Variants in COMMD2 observed in about 807,000 individuals in gnomAD.
COMMD2 encodes the protein COMM domain containing 2, also known as COMM domain-containing protein 2.
COMMD2 carries 25 observed loss-of-function variants against 22.5 expected under a neutral mutation model. That is an observed-to-expected ratio of 1.11 (90% CI 0.81 to 1.55). The LOEUF is 1.55. Ranked by LOEUF, COMMD2 falls within the 40% of genes most tolerant of loss-of-function variation. The probability of loss-of-function intolerance (pLI) is 0.00; values close to 1 mark genes in which losing one functional copy is unlikely to be tolerated. For synonymous variants in COMMD2, 98 were observed against 91.2 expected (o/e 1.07, Z -0.42); for missense variants, 223 against 232.9 (o/e 0.96, Z 0.28).
At chr3:149,750,898 G>T (rs200102094) in intron 3 of COMMD2, 47 bp from the exon 4 acceptor site, 3 of 1,251,388 alleles carry the variant, frequency 2.4e-6, no homozygotes, top group Non-Finnish European at 3.3e-6. Context: ...TCTTTGTCTA[G>T]CTAAAATAAT....
In COMMD2 at chr3:149,741,550, A is replaced by G; in HGVS notation, c.571T>C (p.Cys191Arg). The change falls in exon 5 of 5, where the codon TGT (cysteine) becomes CGT (arginine). Residue 191 changes from cysteine (C) to arginine (R), a missense_variant. Coordinates refer to ENST00000473414, the MANE Select transcript of COMMD2 (RefSeq NM_016094.4). ...TTGATGTTGCGAACAACTCTCCTACAGTGATTTGTCTTCATCTCTTCCAAT... is the reference window on the plus strand; with the variant it reads ...TTGATGTTGCGAACAACTCTCCTACGGTGATTTGTCTTCATCTCTTCCAAT... The part of the protein sequence containing the change: ...QALEEMKTNH[C>R]RRVVRNIK 1 of 1,614,108 alleles carries G rather than the reference A, an allele frequency of 6.2e-7. No individual in the cohort carries two copies. The highest frequency in any genetic ancestry group is 8.5e-7 in the Non-Finnish European group (1 of 1,179,958).
In COMMD2 at chr3:149,750,699, A is replaced by G; in HGVS notation, c.381T>C (p.Leu127=). 6.3e-7 allele frequency: 1 copy of G among 1,580,584 alleles called. No homozygotes were observed. ...LAPSLPSYHN[L]EWRLDVQLAS... ...ATACCTGTACATCTAGTCGCCATTC[A>G]AGGTTATGATAACTGGGAAGGCTTG... The change falls in exon 4 of 5, where the codon CTT becomes CTC. Residue 127 remains leucine, a synonymous_variant. Coordinates refer to ENST00000473414, the MANE Select transcript of COMMD2 (RefSeq NM_016094.4).
At position 149,752,417 on chromosome 3, in the gene COMMD2, T is replaced by C. The variant is rs1250312635; in HGVS notation, c.28A>G (p.Lys10Glu). 9 of 1,613,962 alleles carry C rather than the reference T, an allele frequency of 5.6e-6. No individual in the cohort carries two copies. The highest frequency in any genetic ancestry group is 1.7e-5 in the Admixed American group (1 of 59,988). MLLELSEEH[K>E]EHLAFLPQVD... is the part of the protein sequence containing the mutation. ...TGAGGCAGGAAGGCCAGGTGTTCCT[T>C]ATGCTCCTCGGACAATTCCAGCAGC... is the stretch of plus-strand genomic sequence containing the variant. The change falls in exon 1 of 5, where the codon AAG (lysine) becomes GAG (glutamate). Residue 10 changes from lysine (K) to glutamate (E), a missense_variant. Physicochemically the swap from Lys to Glu is moderately conservative, Grantham distance 56 (BLOSUM62 1). Transcript: ENST00000473414.
chr3:149,744,018 G>GT (rs1420820984), intron 4 of COMMD2, among the ~76,000 whole-genome samples: 1 of 152,086 alleles, frequency 6.6e-6, no homozygotes, highest in East Asian at 1.9e-4. Flanking sequence ...CAAACATCTA[G>GT]TAAGACATTT....
At chr3:149,742,916 A>T (rs1013066309) in intron 4 of COMMD2, among the ~76,000 whole-genome samples, 12 of 151,840 alleles carry the variant, frequency 7.9e-5, no homozygotes, top group Non-Finnish European at 1.3e-4. Flanking sequence ...TGGTGAGCCA[A>T]GATCGTGCCA....
Position 149,741,732 on chromosome 3 carries a change from G to T in COMMD2, c.403-14C>A. The T allele has an allele frequency of 6.3e-7, 1 of 1,588,552 alleles. No homozygotes were observed. The highest frequency in any genetic ancestry group is 8.6e-7 in the Non-Finnish European group (1 of 1,157,010). ...TCTACTTGCAAGCTTGATTTTAAATGAAATAAGAGCACAGTAACTATTTAA... is the reference window on the plus strand; with the variant it reads ...TCTACTTGCAAGCTTGATTTTAAATTAAATAAGAGCACAGTAACTATTTAA... On this transcript the variant is annotated splice_polypyrimidine_tract_variant and intron_variant, in intron 4 of 4. Transcript: ENST00000473414.
chr3:149,748,523 A>G lies in COMMD2; in HGVS notation c.402+2155T>C, dbSNP rs766602974. Among the ~76,000 whole-genome samples, 5 of 152,264 alleles carry G rather than the reference A, an allele frequency of 3.3e-5. 1 individual carries two copies. Among genetic ancestry groups the G allele is most frequent in the Admixed American group, 6.5e-5 (1 of 15,286 alleles). ...AGGAAGCACAGGTGCCACGAAAAGA[A>G]AACACAAATGCCACCAAAATTTAAC... On this transcript the variant is annotated intron_variant, in intron 4 of 4. Transcript: ENST00000473414.
Position 149,741,193 on chromosome 3 carries a change from AG to A in COMMD2, c.*327del, listed in dbSNP as rs1201073527. ...ATTCTCCTGCCTCAGCCTCCTGAGT[AG>A]CTGGGACTCTGATAGATGCGTGCCA... On this transcript the variant is annotated 3_prime_UTR_variant, in exon 5 of 5. Coordinates refer to ENST00000473414, the MANE Select transcript of COMMD2 (RefSeq NM_016094.4). The A allele has an allele frequency of 3.6e-5, 8 of 219,544 alleles. No homozygotes were observed. The Admixed American group carries it at 4.1e-4, about 11-fold the overall frequency. The allele number at this position is 219,544 out of a possible 1,614,324, so 13.6% of individuals were successfully genotyped here.
At chr3:149,751,079 CCTT>C (rs1361421218) in intron 3 of COMMD2, among the ~76,000 whole-genome samples, 1 of 152,150 alleles carries the variant, frequency 6.6e-6, no homozygotes, top group Non-Finnish European at 1.5e-5. Flanking sequence ...CCCTTCCTGT[CCTT>C]CATCAAGCCA....
intron 4 of COMMD2, among the ~76,000 whole-genome samples, chr3:149,742,337 G>A (rs767959131): frequency 6.6e-6 from 1 of 152,140 alleles, no homozygotes. Flanking sequence ...ACCCACTCCT[G>A]GTAAGCGATG....
At chr3:149,752,169 C>G (rs199947632) in intron 2 of COMMD2, 41 bp downstream of exon 2, 42 of 1,552,362 alleles carry the variant, frequency 2.7e-5, no homozygotes, top group Non-Finnish European at 3.4e-5. Flanking sequence ...GGCTCGCAAC[C>G]GCCCTAGAAG....
rs144011057 is a variant in COMMD2 at position 149,751,905 on chromosome 3, T to C, written c.145+305A>G. 2.6e-3 allele frequency: 880 copies of C among 339,496 alleles called. 6 individuals carry two copies. Among genetic ancestry groups the C allele is most frequent in the African/African-American group, 0.018 (833 of 47,402 alleles). The allele number at this position is 339,496 out of a possible 1,614,324, so 21.0% of individuals were successfully genotyped here. A position where few individuals can be genotyped will look rare whatever the true frequency, so the allele number is the denominator to read the frequency against. On this transcript the variant is annotated intron_variant, in intron 2 of 4. Coordinates refer to ENST00000473414, the MANE Select transcript of COMMD2 (RefSeq NM_016094.4). ...ATAACCAAATACTTGCAATTTACAG[T>C]TGACCCAGCTATTCCACAGACTTTG...
At chr3:149,750,898 G>C in intron 3 of COMMD2, 47 bp from the exon 4 acceptor site, 1 of 1,251,508 alleles carries the variant, frequency 8.0e-7, no homozygotes, top group Non-Finnish European at 1.1e-6. Flanking sequence ...TCTTTGTCTA[G>C]CTAAAATAAT....
intron 4 of COMMD2, among the ~76,000 whole-genome samples, chr3:149,743,025 T>C (rs934762763): frequency 2.0e-5 from 3 of 150,904 alleles, no homozygotes; most frequent in Non-Finnish European, 4.4e-5. Flanking sequence ...AAATTCAGGA[T>C]AACGGTTTCC....
chr3:149,751,340 T>C, intron 3 of COMMD2, 63 bp downstream of exon 3: 1 of 1,611,628 alleles, frequency 6.2e-7, no homozygotes, highest in South Asian at 1.1e-5. Context: ...GACTATGATG[T>C]AGAGTACACC....
rs987111208 is a variant in COMMD2 at position 149,739,759 on chromosome 3, G to T, written c.*1762C>A. The T allele has an allele frequency of 1.3e-5, 2 of 152,170 alleles. No homozygotes were observed. 9.4% of individuals were successfully genotyped at this position (152,170 alleles called of 1,614,324 possible). A position where few individuals can be genotyped will look rare whatever the true frequency, so the allele number is the denominator to read the frequency against. Reference sequence around the variant, plus strand: ...AAAGTTTCTTTTTGTTTGTGAGGTTGTATATGAGAGCTTCATTAATCAAGT... The same window carrying T: ...AAAGTTTCTTTTTGTTTGTGAGGTTTTATATGAGAGCTTCATTAATCAAGT... On this transcript the variant is annotated 3_prime_UTR_variant, in exon 5 of 5. Transcript: ENST00000473414.
At chr3:149,741,847 G>A in intron 4 of COMMD2, 129 bp from the exon 5 acceptor site, 1 of 702,182 alleles carries the variant, frequency 1.4e-6, no homozygotes, top group Non-Finnish European at 2.4e-6. Flanking sequence ...AAAATGAAAA[G>A]TAAACTTTAA....
chr3:149,742,215 C>T (rs1337471456), intron 4 of COMMD2, among the ~76,000 whole-genome samples: 2 of 152,086 alleles, frequency 1.3e-5, no homozygotes, highest in African/African-American at 2.4e-5. Context: ...TATTAAACAT[C>T]AGGATAATAG....
In COMMD2 at chr3:149,741,644, A is replaced by G. The variant is rs1231724325; in HGVS notation, c.477T>C (p.Asp159=). Residue 159 remains aspartate, a synonymous_variant, in exon 5 of 5, where the codon GAT becomes GAC. Transcript: ENST00000473414. ...CTGTCTGCAGAACTTTGGTGTTGTGATCTCCATTTTGATTAAGGTGTAGCT... is the reference window on the plus strand; with the variant it reads ...CTGTCTGCAGAACTTTGGTGTTGTGGTCTCCATTTTGATTAAGGTGTAGCT... ...TIKLHLNQNG[D]HNTKVLQTDP... 3 of 1,613,776 alleles carry G rather than the reference A, an allele frequency of 1.9e-6. No homozygotes were observed. Among genetic ancestry groups the G allele is most frequent in the African/African-American group, 2.7e-5 (2 of 74,838 alleles).
Sources: gnomAD v4.1 joint callset for allele counts (sites outside exome capture counted in the v4.1 genomes callset) on GRCh38, gnomAD v4.1.1 for gene constraint, MANE v1.5 for transcripts, NCBI Gene and HGNC (gene_info 2026-07-23, HGNC 2026-07-21) for gene names.